Variants in SUGCT observed in about 807,000 individuals in gnomAD.
SUGCT encodes the protein succinyl-CoA:glutarate CoA-transferase.
Under a neutral mutation model 55.0 loss-of-function variants are expected in SUGCT, and 41 were observed. That is an observed-to-expected ratio of 0.74 (90% CI 0.58 to 0.97). The LOEUF (loss-of-function observed/expected upper bound fraction) is 0.97. SUGCT is among the 50% of genes least tolerant of loss of function. The pLI, the probability that SUGCT is intolerant of heterozygous loss-of-function variation, is 0.00. For synonymous variants in SUGCT, 187 were observed against 200.4 expected, an observed-to-expected ratio of 0.93 and a Z score of 0.56; for missense variants, 568 against 547.8, an observed-to-expected ratio of 1.04 and a Z score of -0.37.
intron 12 of SUGCT, among the ~76,000 whole-genome samples, chr7:40,682,852 A>G (rs1784314574): frequency 6.6e-6 from 1 of 152,002 alleles, no homozygotes; most frequent in Admixed American, 6.6e-5. Flanking sequence ...TCTAAGTTAT[A>G]TTTATCTCAT....
intron 13 of SUGCT, among the ~76,000 whole-genome samples, chr7:40,834,290 A>G (rs1227540246): frequency 6.6e-6 from 1 of 152,132 alleles, no homozygotes; most frequent in Non-Finnish European, 1.5e-5. Context: ...TTTCCCAAAG[A>G]CATACGCTTG....
chr7:40,889,037 AGT>A, the SUGCT span, among the ~76,000 whole-genome samples: 5 of 152,236 alleles, frequency 3.3e-5, no homozygotes, highest in Non-Finnish European at 7.3e-5. Flanking sequence ...TTGGCACAAA[AGT>A]GGCAAGAAAA....
At chr7:40,708,408 A>C (rs1425012644) in intron 12 of SUGCT, among the ~76,000 whole-genome samples, 1 of 152,202 alleles carries the variant, frequency 6.6e-6, no homozygotes, top group Non-Finnish European at 1.5e-5. Context: ...GAATAGGTCA[A>C]TAAACTTTTC....
chr7:40,785,633 C>G (rs573357813), intron 13 of SUGCT, among the ~76,000 whole-genome samples: 1 of 151,974 alleles, frequency 6.6e-6, no homozygotes, highest in Non-Finnish European at 1.5e-5. Context: ...TTGCAGCACA[C>G]GGTTCCATTT....
chr7:40,250,095 T>A (rs1017960952), intron 7 of SUGCT, among the ~76,000 whole-genome samples: 21 of 152,238 alleles, frequency 1.4e-4, no homozygotes, highest in South Asian at 2.1e-4. Context: ...CTTAATTGGC[T>A]TTTAAAGGTA....
At chr7:40,834,263 G>T (rs1380202771) in intron 13 of SUGCT, among the ~76,000 whole-genome samples, 1 of 150,668 alleles carries the variant, frequency 6.6e-6, no homozygotes, top group Admixed American at 6.6e-5. Flanking sequence ...AGGCTGGGGG[G>T]TGGGTGGGGA....
chr7:40,978,698 G>A, the SUGCT span, among the ~76,000 whole-genome samples: 1 of 152,146 alleles, frequency 6.6e-6, no homozygotes, highest in African/African-American at 2.4e-5. Flanking sequence ...GAGCATGAGT[G>A]GTCCATCTGA....
chr7:40,187,132 G>T (rs960657710), intron 3 of SUGCT, among the ~76,000 whole-genome samples: 1 of 152,142 alleles, frequency 6.6e-6, no homozygotes, highest in Non-Finnish European at 1.5e-5. Context: ...CATGTCCTTC[G>T]TAGGGACATG....
At chr7:40,548,603 A>G (rs1227256125) in intron 12 of SUGCT, among the ~76,000 whole-genome samples, 1 of 152,056 alleles carries the variant, frequency 6.6e-6, no homozygotes, top group Non-Finnish European at 1.5e-5. Context: ...ACATATCCAT[A>G]GTGTCCCGTC....
intron 9 of SUGCT, among the ~76,000 whole-genome samples, chr7:40,372,206 T>C (rs1784327931): frequency 1.3e-5 from 2 of 152,036 alleles, no homozygotes; most frequent in South Asian, 4.1e-4. Flanking sequence ...AAGATTCACA[T>C]GGAGATGACC....
At chr7:40,302,299 C>T (rs924707811) in intron 8 of SUGCT, among the ~76,000 whole-genome samples, 4 of 152,182 alleles carry the variant, frequency 2.6e-5, no homozygotes, top group African/African-American at 9.7e-5. Flanking sequence ...CCTTGGTTGA[C>T]TCCAGTGGTC....
chr7:41,033,882 A>G, the SUGCT span, among the ~76,000 whole-genome samples: 221 of 152,132 alleles, frequency 1.5e-3, no homozygotes, highest in African/African-American at 5.1e-3. Context: ...AAGAAAATGA[A>G]ACTGGAATTG....
At chr7:40,340,285 G>T (rs910457427) in intron 9 of SUGCT, among the ~76,000 whole-genome samples, 1 of 152,100 alleles carries the variant, frequency 6.6e-6, no homozygotes, top group East Asian at 1.9e-4. Flanking sequence ...ACTGTGCAGG[G>T]ATTGGTACAG....
At chr7:40,380,660 T>C (rs1784824655) in intron 9 of SUGCT, among the ~76,000 whole-genome samples, 1 of 152,222 alleles carries the variant, frequency 6.6e-6, no homozygotes, top group Admixed American at 6.5e-5. Context: ...TTCAGTTTCT[T>C]CCGTCTCTAT....
the SUGCT span, among the ~76,000 whole-genome samples, chr7:40,888,759 G>A: frequency 6.6e-6 from 1 of 152,176 alleles, no homozygotes; most frequent in Admixed American, 6.5e-5. Context: ...GCATCAGTCA[G>A]GGCCAAAGGA....
chr7:40,417,266 T>A (rs1787054638), intron 9 of SUGCT, among the ~76,000 whole-genome samples: 1 of 151,974 alleles, frequency 6.6e-6, no homozygotes, highest in Non-Finnish European at 1.5e-5. Flanking sequence ...TTATTTTGTA[T>A]CTTACCTTTA....
intron 10 of SUGCT, among the ~76,000 whole-genome samples, chr7:40,454,593 T>C (rs1441229200): frequency 7.4e-6 from 1 of 135,280 alleles, no homozygotes; most frequent in African/African-American, 2.9e-5. Context: ...TACACAAAAA[T>C]CATCCAGAAA....
intron 1 of SUGCT, among the ~76,000 whole-genome samples, chr7:40,156,573 T>C (rs1783908127): frequency 6.6e-6 from 1 of 152,174 alleles, no homozygotes; most frequent in South Asian, 2.1e-4. Context: ...AGAGCCCTGC[T>C]CACTCTGTAC....
chr7:40,370,910 G>A (rs1159148336), intron 9 of SUGCT, among the ~76,000 whole-genome samples: 1 of 151,938 alleles, frequency 6.6e-6, no homozygotes, highest in South Asian at 2.1e-4. Flanking sequence ...AATACCTATG[G>A]TGTCTCAAGC....
Sources: gnomAD v4.1 joint callset for allele counts (sites outside exome capture counted in the v4.1 genomes callset) on GRCh38, gnomAD v4.1.1 for gene constraint, MANE v1.5 for transcripts, NCBI Gene and HGNC (gene_info 2026-07-23, HGNC 2026-07-21) for gene names.